CREB3L2: variants seen among roughly 807,000 people sequenced by gnomAD.
The protein encoded by CREB3L2 is cyclic AMP-responsive element-binding protein 3-like protein 2.
CREB3L2 carries 23 observed loss-of-function variants against 57.2 expected under a neutral mutation model. That is an observed-to-expected ratio of 0.40 (90% CI 0.29 to 0.57). The LOEUF is 0.57. Ranked by LOEUF, CREB3L2 falls within the 20% of genes least tolerant of loss-of-function variation. The pLI, the probability that CREB3L2 is intolerant of heterozygous loss-of-function variation, is 0.42. For missense variants in CREB3L2, 628 were observed against 634.7 expected, an observed-to-expected ratio of 0.99 and a Z score of 0.11; for synonymous variants, 268 against 265.1, an observed-to-expected ratio of 1.01 and a Z score of -0.11.
At chr7:137,883,125 G>T (rs1799333800) in intron 10 of CREB3L2, among the ~76,000 whole-genome samples, 1 of 152,184 alleles carries the variant, frequency 6.6e-6, no homozygotes, top group Non-Finnish European at 1.5e-5. Flanking sequence ...TTGTTTTGTA[G>T]GACAGTCACA....
intron 1 of CREB3L2, among the ~76,000 whole-genome samples, chr7:137,990,960 T>TA (rs1458347555): frequency 2.0e-5 from 3 of 152,210 alleles, no homozygotes; most frequent in East Asian, 1.9e-4. Flanking sequence ...TTTCCAATGT[T>TA]AAAAAAATGT....
At chr7:137,899,747 A>T (rs767290308) in intron 8 of CREB3L2, among the ~76,000 whole-genome samples, 11 of 152,198 alleles carry the variant, frequency 7.2e-5, no homozygotes, top group Non-Finnish European at 1.3e-4. Context: ...CTGCTATCTG[A>T]GCACACATTC....
intron 1 of CREB3L2, among the ~76,000 whole-genome samples, chr7:138,000,710 G>A (rs966589282): frequency 2.0e-5 from 3 of 150,842 alleles, no homozygotes; most frequent in Non-Finnish European, 4.4e-5. Context: ...CATTACAAAC[G>A]TCTGCATGGA....
At chr7:137,999,236 T>A (rs2117338659) in intron 1 of CREB3L2, among the ~76,000 whole-genome samples, 1 of 152,336 alleles carries the variant, frequency 6.6e-6, no homozygotes, top group South Asian at 2.1e-4. Flanking sequence ...CTTGCTCTGA[T>A]CACTCAGTTC....
At chr7:137,916,320 G>A (rs1800132065) in intron 2 of CREB3L2, among the ~76,000 whole-genome samples, 1 of 152,164 alleles carries the variant, frequency 6.6e-6, no homozygotes, top group East Asian at 1.9e-4. Context: ...TAGAATAGGA[G>A]GGAGGATTTT....
intron 1 of CREB3L2, among the ~76,000 whole-genome samples, chr7:137,936,807 C>A (rs147612608): frequency 2.6e-5 from 4 of 152,342 alleles, no homozygotes; most frequent in Admixed American, 1.3e-4. Context: ...TGCTAACAAC[C>A]TATTCAGCTC....
intron 2 of CREB3L2, among the ~76,000 whole-genome samples, chr7:137,927,028 A>C (rs987510965): frequency 6.6e-6 from 1 of 151,956 alleles, no homozygotes; most frequent in African/African-American, 2.4e-5. Context: ...GTAGTGGCAC[A>C]TGCCTGTAGT....
At chr7:137,959,325 C>T (rs1301575090) in intron 1 of CREB3L2, among the ~76,000 whole-genome samples, 1 of 152,236 alleles carries the variant, frequency 6.6e-6, no homozygotes, top group Non-Finnish European at 1.5e-5. Flanking sequence ...CTGAACAAGA[C>T]AGGACTAGTC....
At chr7:137,892,303 T>C (rs567873498) in intron 8 of CREB3L2, among the ~76,000 whole-genome samples, 9 of 149,174 alleles carry the variant, frequency 6.0e-5, no homozygotes, top group Non-Finnish European at 1.3e-4. Flanking sequence ...AAAATAATTG[T>C]ACAATCAAAA....
intron 1 of CREB3L2, among the ~76,000 whole-genome samples, chr7:137,936,164 A>C (rs1776621239): frequency 6.6e-6 from 1 of 152,230 alleles, no homozygotes; most frequent in South Asian, 2.1e-4. Flanking sequence ...CAGAAAGATG[A>C]ATAAAGGTCA....
Position 137,972,712 on chromosome 7 carries a change from AATAT to A in CREB3L2, c.102+28888_102+28891del, listed in dbSNP as rs1563270138. On this transcript the variant is annotated intron_variant, in intron 1 of 11. Coordinates refer to ENST00000330387, the MANE Select transcript of CREB3L2 (RefSeq NM_194071.4). ...AAAAAAAAAAAAAAAAAAAAAAAAA[AATAT>A]ATATATATATATATATATATAGAGA... is the stretch of plus-strand genomic sequence containing the variant. Among the ~76,000 whole-genome samples the A allele has an allele frequency of 2.2e-3, 74 of 34,088 alleles. 2 individuals carry two copies. Among genetic ancestry groups the A allele is most frequent in the African/African-American group, 8.7e-3 (63 of 7,210 alleles). 22.4% of individuals were successfully genotyped at this position (34,088 alleles called of 152,430 possible). A position where few individuals can be genotyped will look rare whatever the true frequency, so the allele number is the denominator to read the frequency against.
chr7:137,969,608 C>T (rs994213702), intron 1 of CREB3L2, among the ~76,000 whole-genome samples: 9 of 152,050 alleles, frequency 5.9e-5, no homozygotes, highest in Non-Finnish European at 1.3e-4. Flanking sequence ...GCCTCAGCCT[C>T]CCAAAGTGCT....
At chr7:137,977,081 C>T (rs569567328) in intron 1 of CREB3L2, among the ~76,000 whole-genome samples, 2 of 152,140 alleles carry the variant, frequency 1.3e-5, no homozygotes, top group Non-Finnish European at 2.9e-5. Flanking sequence ...ACAGACACCC[C>T]CTGAGCTTCC....
Position 137,880,174 on chromosome 7 carries a change from T to C in CREB3L2, c.*302A>G. 2.2e-6 allele frequency: 1 copy of C among 449,090 alleles called. No individual in the cohort carries two copies. Among genetic ancestry groups the C allele is most frequent in the South Asian group, 2.6e-5 (1 of 38,616 alleles). The allele number at this position is 449,090 out of a possible 1,614,324, so 27.8% of individuals were successfully genotyped here. On this transcript the variant is annotated 3_prime_UTR_variant, in exon 12 of 12. Transcript: ENST00000330387. The surrounding 1 kb of genome is among the most constrained non-coding windows in gnomAD (Gnocchi z 4.0). ...ACAGGTGCACATTAGGCAATATCTTTTTGGCACTATTGGTGGAAACAAGCC... is the reference window on the plus strand; with the variant it reads ...ACAGGTGCACATTAGGCAATATCTTCTTGGCACTATTGGTGGAAACAAGCC...
chr7:137,940,661 G>A (rs149352117), intron 1 of CREB3L2, among the ~76,000 whole-genome samples: 193 of 152,330 alleles, frequency 1.3e-3, no homozygotes, highest in Non-Finnish European at 2.3e-3. Context: ...CGTGCATGTT[G>A]CAATGGAACA....
At chr7:137,911,576 G>A (rs1800006004) in intron 4 of CREB3L2, among the ~76,000 whole-genome samples, 1 of 152,246 alleles carries the variant, frequency 6.6e-6, no homozygotes, top group Non-Finnish European at 1.5e-5. Context: ...GGTGGCACAT[G>A]CCTTTAATCC....
intron 1 of CREB3L2, among the ~76,000 whole-genome samples, chr7:137,957,153 C>T (rs1801231792): frequency 6.6e-6 from 1 of 152,190 alleles, no homozygotes; most frequent in Non-Finnish European, 1.5e-5. Flanking sequence ...CCATCTTGAA[C>T]ACAGGTTCCT....
At chr7:137,969,340 C>CTTTTTTTTT (rs71177936) in intron 1 of CREB3L2, among the ~76,000 whole-genome samples, 1 of 77,070 alleles carries the variant, frequency 1.3e-5, no homozygotes, top group African/African-American at 5.5e-5. Context: ...TTATGATCTT[C>CTTTTTTTTT]TTTTTTTTTT....
At chr7:137,909,962 G>A (rs559271552) in intron 4 of CREB3L2, among the ~76,000 whole-genome samples, 5 of 152,210 alleles carry the variant, frequency 3.3e-5, no homozygotes, top group African/African-American at 9.6e-5. Flanking sequence ...ATTGCCTGAC[G>A]CCTTGTAAAA....
Sources: allele counts gnomAD v4.1 joint callset (sites outside exome capture counted in the v4.1 genomes callset), GRCh38; gene constraint gnomAD v4.1.1; non-coding constraint Gnocchi (gnomAD v3.1); transcripts MANE v1.5; gene names NCBI Gene and HGNC (gene_info 2026-07-23, HGNC 2026-07-21).